PAX3: variants seen among roughly 807,000 people sequenced by gnomAD.
PAX3 encodes paired box protein Pax-3.
Under a neutral mutation model 51.6 loss-of-function variants are expected in PAX3, and 14 were observed. That is an observed-to-expected ratio of 0.27 (90% CI 0.18 to 0.42). The LOEUF (loss-of-function observed/expected upper bound fraction) is 0.42, where lower values mean the gene tolerates loss of function less well. PAX3 is among the 10% of genes least tolerant of loss of function. The pLI is 1.00. For synonymous variants in PAX3, 280 were observed against 253.4 expected (o/e 1.11, Z -1.00); for missense variants, 540 against 642.8 (o/e 0.84, Z 1.73).
chr2:222,245,550 C>G (rs1693194279), intron 4 of PAX3, among the ~76,000 whole-genome samples: 2 of 152,118 alleles, frequency 1.3e-5, no homozygotes, highest in African/African-American at 4.8e-5. Flanking sequence ...TTCTTTTCCA[C>G]ATTGCCTTTT....
intron 4 of PAX3, among the ~76,000 whole-genome samples, chr2:222,235,578 T>G (rs1034841337): frequency 6.6e-6 from 1 of 151,878 alleles, no homozygotes; most frequent in Non-Finnish European, 1.5e-5. Context: ...GTGGGCTTTT[T>G]TAAAGATGAA....
At chr2:222,238,024 A>G (rs1191824999) in intron 4 of PAX3, among the ~76,000 whole-genome samples, 1 of 152,220 alleles carries the variant, frequency 6.6e-6, no homozygotes, top group Non-Finnish European at 1.5e-5. Flanking sequence ...AATTTTAGAT[A>G]CAGGAGCCAA....
chr2:222,221,393 G>A lies in PAX3; in HGVS notation c.793-6C>T, dbSNP rs767791654. 1 of 1,612,342 alleles carries A rather than the reference G, an allele frequency of 6.2e-7. No individual in the cohort carries two copies. The highest frequency in any genetic ancestry group is 1.3e-5 in the African/African-American group (1 of 74,860). ...CGGCGGTTGCTAAACCAGACCTATG[G>A]ATTTAATTTAAAATTTAAGGATTTC... On this transcript the variant is annotated splice_region_variant and splice_polypyrimidine_tract_variant and intron_variant, in intron 5 of 8. Transcript: ENST00000392070.
intron 5 of PAX3, among the ~76,000 whole-genome samples, chr2:222,225,895 T>C (rs776791926): frequency 6.6e-6 from 1 of 152,220 alleles, no homozygotes; most frequent in African/African-American, 2.4e-5. Flanking sequence ...GCCTTTTGTG[T>C]CTGTGAGTAA....
At chr2:222,244,104 C>G (rs1162659948) in intron 4 of PAX3, among the ~76,000 whole-genome samples, 4 of 152,160 alleles carry the variant, frequency 2.6e-5, no homozygotes, top group Non-Finnish European at 5.9e-5. Context: ...ACCAATGGAC[C>G]TAGGGGAGGA....
At chr2:222,274,598 T>C (rs1016919227) in intron 4 of PAX3, among the ~76,000 whole-genome samples, 3 of 152,064 alleles carry the variant, frequency 2.0e-5, no homozygotes, top group African/African-American at 7.2e-5. Context: ...CCAAGATGTC[T>C]CAATATTTTA....
At chr2:222,253,622 A>G (rs1375197071) in intron 4 of PAX3, among the ~76,000 whole-genome samples, 5 of 150,500 alleles carry the variant, frequency 3.3e-5, no homozygotes, top group Non-Finnish European at 7.4e-5. Context: ...CAACCTCACT[A>G]CAAAACTTTT....
At chr2:222,237,629 A>G (rs1474152756) in intron 4 of PAX3, among the ~76,000 whole-genome samples, 2 of 152,204 alleles carry the variant, frequency 1.3e-5, no homozygotes, top group African/African-American at 4.8e-5. Context: ...TAAGAAATAA[A>G]TCAACTTTGC....
At chr2:222,203,475 A>C (rs1404033018) in intron 7 of PAX3, among the ~76,000 whole-genome samples, 2 of 152,160 alleles carry the variant, frequency 1.3e-5, no homozygotes, top group Admixed American at 1.3e-4. Context: ...GGAAGTGTGA[A>C]GCCTACAGAG....
chr2:222,238,143 C>A (rs1692869316), intron 4 of PAX3, among the ~76,000 whole-genome samples: 1 of 152,140 alleles, frequency 6.6e-6, no homozygotes, highest in Non-Finnish European at 1.5e-5. Flanking sequence ...AACTGTCATA[C>A]CCCCACAGGA....
intron 4 of PAX3, among the ~76,000 whole-genome samples, chr2:222,272,019 C>T (rs377107235): frequency 2.3e-4 from 35 of 152,240 alleles, no homozygotes; most frequent in South Asian, 1.2e-3. Context: ...TCACTTTCTT[C>T]GCGTCACCAA....
intron 4 of PAX3, among the ~76,000 whole-genome samples, chr2:222,288,199 G>A (rs948721563): frequency 2.6e-5 from 4 of 152,192 alleles, no homozygotes; most frequent in Admixed American, 6.5e-5. Context: ...ATGATTCAAG[G>A]AAATATTTCT....
chr2:222,276,186 C>T lies in PAX3; in HGVS notation c.586+17981G>A, dbSNP rs77974355. 5.3e-5 allele frequency among the ~76,000 whole-genome samples: 8 copies of T among 152,294 alleles called. No homozygotes were observed. The East Asian group carries it at 1.3e-3, about 26-fold the overall frequency. On this transcript the variant is annotated intron_variant, in intron 4 of 8. Transcript: ENST00000392070. ...CTTCCCGGCAGAATCATGTGCAACCCATTGAAAGTGAAGCTCTCAAAACAA... is the reference window on the plus strand; with the variant it reads ...CTTCCCGGCAGAATCATGTGCAACCTATTGAAAGTGAAGCTCTCAAAACAA...
chr2:222,262,521 AT>A (rs886275521), intron 4 of PAX3: 11 of 152,028 alleles, frequency 7.2e-5, no homozygotes, highest in African/African-American at 1.4e-4. Flanking sequence ...AAATAGATTC[AT>A]TTTTTTCATC....
At chr2:222,254,342 G>A (rs1693555536) in intron 4 of PAX3, among the ~76,000 whole-genome samples, 1 of 152,130 alleles carries the variant, frequency 6.6e-6, no homozygotes, top group Middle Eastern at 3.4e-3. Context: ...TATTTAGATT[G>A]GTCTCGTTGT....
At chr2:222,284,543 G>A (rs1694760981) in intron 4 of PAX3, among the ~76,000 whole-genome samples, 1 of 152,128 alleles carries the variant, frequency 6.6e-6, no homozygotes, top group African/African-American at 2.4e-5. Flanking sequence ...ACATTTAATA[G>A]TTGCTCATAA....
chr2:222,209,302 G>C (rs1288676645), intron 7 of PAX3, among the ~76,000 whole-genome samples: 1 of 152,136 alleles, frequency 6.6e-6, no homozygotes, highest in Non-Finnish European at 1.5e-5. Context: ...AATGTCTGAA[G>C]ACTACAGAAA....
rs45614137 is a variant in PAX3, at chr2:222,298,184, C to G, written c.85+347G>C. The G allele has an allele frequency of 3.6e-3, 1,257 of 346,848 alleles. 14 individuals carry two copies. Among genetic ancestry groups the G allele is most frequent in the African/African-American group, 0.024 (1,138 of 48,084 alleles). The allele number at this position is 346,848 out of a possible 1,614,324, so 21.5% of individuals were successfully genotyped here. The stretch of plus-strand genomic sequence containing the variant: ...AGCCGGGACAATTTCGAGACAACTT[C>G]GAGACAATTTCGAATGGACAAATTG... On this transcript the variant is annotated intron_variant, in intron 1 of 8. Transcript: ENST00000392070.
chr2:222,226,521 G>A (rs1279020587), intron 5 of PAX3, among the ~76,000 whole-genome samples: 1 of 152,042 alleles, frequency 6.6e-6, no homozygotes, highest in African/African-American at 2.4e-5. Context: ...CTCCTGCAGA[G>A]AACTTCAGGA....
Sources: allele counts gnomAD v4.1 joint callset (sites outside exome capture counted in the v4.1 genomes callset), GRCh38; gene constraint gnomAD v4.1.1; transcripts MANE v1.5; gene names NCBI Gene and HGNC (gene_info 2026-07-23, HGNC 2026-07-21).